NCKAP1: variants seen among roughly 807,000 people sequenced by gnomAD.
NCKAP1 encodes NCK associated protein 1.
A neutral mutation model predicts 151.2 loss-of-function variants in NCKAP1; 21 were observed. The ratio of observed to expected loss-of-function variants is 0.14; its 90% CI spans 0.10 to 0.20. NCKAP1 has a LOEUF of 0.20. Ranked by LOEUF, NCKAP1 falls within the 10% of genes least tolerant of loss-of-function variation. NCKAP1 has a pLI of 1.00. For synonymous variants in NCKAP1, 484 were observed against 451.8 expected (o/e 1.07, Z -0.90); for missense variants, 933 against 1,352.1 (o/e 0.69, Z 4.86).
chr2:182,954,935 G>A (rs190446720), intron 20 of NCKAP1, among the ~76,000 whole-genome samples: 15 of 152,026 alleles, frequency 9.9e-5, no homozygotes, highest in African/African-American at 3.6e-4. Flanking sequence ...CTGTTTACAA[G>A]GAAAACAAGG....
Position 182,920,970 on chromosome 2 carries a change from A to G in NCKAP1, c.*4732T>C, listed in dbSNP as rs768294109. ...TCTCTGAAAACATTCAGGACGCATC[A>G]CTGAGTAGTGCACAGTTTTAGTCTG... On this transcript the variant is annotated 3_prime_UTR_variant, in exon 31 of 31. Transcript: ENST00000361354. The G allele has an allele frequency of 1.8e-4, 28 of 152,226 alleles. No individual in the cohort carries two copies. The highest frequency in any genetic ancestry group is 3.5e-4 in the Non-Finnish European group (24 of 68,036). 9.4% of individuals were successfully genotyped at this position (152,226 alleles called of 1,614,324 possible).
chr2:182,959,627 T>G (rs564646945), intron 18 of NCKAP1, among the ~76,000 whole-genome samples: 107 of 152,200 alleles, frequency 7.0e-4, no homozygotes, highest in Non-Finnish European at 1.2e-3. Flanking sequence ...CCACAGCCAA[T>G]ATTATACTGA....
intron 1 of NCKAP1, among the ~76,000 whole-genome samples, chr2:183,035,658 G>C (rs1444956984): frequency 1.3e-5 from 2 of 152,054 alleles, no homozygotes; most frequent in South Asian, 2.1e-4. Context: ...CAAGATATTT[G>C]AACAAATGTT....
intron 29 of NCKAP1, 164 bp from the exon 30 acceptor site, chr2:182,927,069 T>C: frequency 2.0e-6 from 1 of 505,656 alleles, no homozygotes; most frequent in Non-Finnish European, 3.4e-6. Flanking sequence ...ATTCAAGCAG[T>C]AATTTAGAGA....
chr2:182,917,006 T>G lies in NCKAP1; in HGVS notation c.*8696A>C, dbSNP rs1227772332. ...CCATGAAAAAACTCTTTGAAGGCAA[T>G]TTTATAAGTGAAACCAAATAGCCTA... On this transcript the variant is annotated 3_prime_UTR_variant, in exon 31 of 31. Transcript: ENST00000361354. 3.9e-5 allele frequency: 6 copies of G among 152,272 alleles called. No homozygotes were observed. The highest frequency in any genetic ancestry group is 1.4e-4 in the African/African-American group (6 of 41,556). 9.4% of individuals were successfully genotyped at this position (152,272 alleles called of 1,614,324 possible).
chr2:183,006,045 C>T (rs781749901), intron 2 of NCKAP1, among the ~76,000 whole-genome samples: 13 of 152,148 alleles, frequency 8.5e-5, no homozygotes, highest in Non-Finnish European at 1.8e-4. Context: ...GACAGTGTAC[C>T]AAACTCAAGT....
At chr2:182,971,654 C>T (rs998856101) in intron 15 of NCKAP1, among the ~76,000 whole-genome samples, 6 of 151,028 alleles carry the variant, frequency 4.0e-5, no homozygotes, top group Admixed American at 2.0e-4. Context: ...CATTACTGAT[C>T]GCAAAATCTA....
At chr2:182,960,351 C>T (rs1697420166) in intron 18 of NCKAP1, among the ~76,000 whole-genome samples, 1 of 152,280 alleles carries the variant, frequency 6.6e-6, no homozygotes, top group East Asian at 1.9e-4. Context: ...GCTACAGTAA[C>T]CAAAACAGCA....
At chr2:182,937,294 T>C (rs1696897943) in intron 24 of NCKAP1, among the ~76,000 whole-genome samples, 1 of 152,148 alleles carries the variant, frequency 6.6e-6, no homozygotes, top group Non-Finnish European at 1.5e-5. Flanking sequence ...TTAAAAGTTC[T>C]AAGATACTTC....
intron 18 of NCKAP1, among the ~76,000 whole-genome samples, chr2:182,961,604 A>G (rs1697454877): frequency 6.6e-6 from 1 of 152,210 alleles, no homozygotes; most frequent in South Asian, 2.1e-4. Context: ...GGGGAGGGAT[A>G]GCATTAGGAG....
rs570050834 is a variant in NCKAP1, at chr2:182,912,834, G to C, written c.*12868C>G. 1 of 38,540 alleles carries C rather than the reference G, an allele frequency of 2.6e-5. No individual in the cohort carries two copies. Among genetic ancestry groups the C allele is most frequent in the East Asian group, 2.0e-3 (1 of 504 alleles). 2.4% of individuals were successfully genotyped at this position (38,540 alleles called of 1,614,324 possible). On this transcript the variant is annotated 3_prime_UTR_variant, in exon 31 of 31. Coordinates refer to ENST00000361354, the MANE Select transcript of NCKAP1 (RefSeq NM_013436.5). The stretch of plus-strand genomic sequence containing the variant: ...ACTATAGACAGATCTCAAAACCAAA[G>C]AAAGATAGAGGAAGAAAGGAAGGAA...
chr2:183,012,619 G>A (rs916572154), intron 2 of NCKAP1, among the ~76,000 whole-genome samples: 2 of 143,978 alleles, frequency 1.4e-5, no homozygotes, highest in Admixed American at 6.9e-5. Flanking sequence ...ATCCCCTTAC[G>A]CCTTTTTTTT....
At chr2:182,952,723 A>G (rs1452099254) in intron 22 of NCKAP1, 70 bp downstream of exon 22, 1 of 1,433,356 alleles carries the variant, frequency 7.0e-7, no homozygotes, top group Admixed American at 2.4e-5. Context: ...TCAAAAGTCT[A>G]AAGAATCAAG....
Position 183,000,096 on chromosome 2 carries a change from C to G in NCKAP1, c.603+1857G>C, listed in dbSNP as rs555285561. On this transcript the variant is annotated intron_variant, in intron 6 of 30. Coordinates refer to ENST00000361354, the MANE Select transcript of NCKAP1 (RefSeq NM_013436.5). ...CATTAGAAGCCCAAACCCAGCATCA[C>G]ACAATATACTCATTTAACAAACCTG... 8.5e-4 allele frequency among the ~76,000 whole-genome samples: 129 copies of G among 152,256 alleles called. 1 individual carries two copies. The highest frequency in any genetic ancestry group is 2.9e-3 in the African/African-American group (122 of 41,542).
At chr2:182,934,242 A>T (rs1001342848) in intron 26 of NCKAP1, among the ~76,000 whole-genome samples, 1 of 151,144 alleles carries the variant, frequency 6.6e-6, no homozygotes, top group Non-Finnish European at 1.5e-5. Flanking sequence ...GGTTCACACC[A>T]TTCTCCTGTC....
At chr2:183,001,541 TATGAA>T (rs762906025) in intron 6 of NCKAP1, among the ~76,000 whole-genome samples, 1 of 152,178 alleles carries the variant, frequency 6.6e-6, no homozygotes, top group South Asian at 2.1e-4. Context: ...ATAAGAACCA[TATGAA>T]ATAAGTGCTA....
At chr2:183,037,935 C>T (rs1699137115) in intron 1 of NCKAP1, 57 bp downstream of exon 1, 3 of 1,402,070 alleles carry the variant, frequency 2.1e-6, no homozygotes, top group Admixed American at 2.2e-5. Flanking sequence ...CCTCCCTTGC[C>T]CTTCATCCCT....
chr2:182,966,549 G>C (rs1331323788), intron 16 of NCKAP1, among the ~76,000 whole-genome samples: 1 of 152,192 alleles, frequency 6.6e-6, no homozygotes, highest in African/African-American at 2.4e-5. Context: ...GGCCTCCCAA[G>C]TGTTGGGATT....
chr2:182,944,775 A>G (rs1227414511), intron 23 of NCKAP1, among the ~76,000 whole-genome samples: 1 of 152,222 alleles, frequency 6.6e-6, no homozygotes, highest in Non-Finnish European at 1.5e-5. Flanking sequence ...AGTTTATATC[A>G]GTTTAGATTA....
Sources: allele counts gnomAD v4.1 joint callset (sites outside exome capture counted in the v4.1 genomes callset), GRCh38; gene constraint gnomAD v4.1.1; transcripts MANE v1.5; gene names NCBI Gene and HGNC (gene_info 2026-07-23, HGNC 2026-07-21).